The following CASZ1 variants were observed in gnomAD, a reference collection of about 807,000 sequenced individuals.
CASZ1 encodes the protein zinc finger protein castor homolog 1.
In CASZ1, 28 loss-of-function variants were observed where a neutral mutation model predicts 135.2. That is an observed-to-expected ratio of 0.21 (90% CI 0.15 to 0.28). CASZ1 has a LOEUF of 0.28. Ranked by LOEUF, CASZ1 falls within the 10% of genes least tolerant of loss-of-function variation. CASZ1 has a pLI of 1.00. For missense variants in CASZ1, 2,161 were observed against 2,453.3 expected, an observed-to-expected ratio of 0.88 and a Z score of 2.52; for synonymous variants, 1,068 against 1,073.4, an observed-to-expected ratio of 0.99 and a Z score of 0.10.
rs1025880369 is a variant in CASZ1 at position 10,712,749 on chromosome 1, C to A, written c.-76-7205G>T. 2.0e-5 allele frequency among the ~76,000 whole-genome samples: 3 copies of A among 152,364 alleles called. No homozygotes were observed. The South Asian group carries it at 6.2e-4, about 32-fold the overall frequency. On this transcript the variant is annotated intron_variant, in intron 2 of 20. Coordinates refer to ENST00000377022, the MANE Select transcript of CASZ1 (RefSeq NM_001079843.3). ...CCGCTCAAGTGCCTGTGATTCCGCA[C>A]CCCCGCGGGCTGCCGTTCCCGGCAC...
intron 2 of CASZ1, among the ~76,000 whole-genome samples, chr1:10,710,721 G>T (rs1057122283): frequency 6.6e-6 from 1 of 152,258 alleles, no homozygotes; most frequent in Non-Finnish European, 1.5e-5. Flanking sequence ...CCCAGCCCCT[G>T]TGCCAGGTCA....
In CASZ1 at chr1:10,694,248, G is replaced by T; in HGVS notation, c.-23-336C>A. 11 of 874,354 alleles carry T rather than the reference G, an allele frequency of 1.3e-5. No individual in the cohort carries two copies. The highest frequency in any genetic ancestry group is 1.5e-5 in the Non-Finnish European group (11 of 725,162). 54.2% of individuals were successfully genotyped at this position (874,354 alleles called of 1,614,324 possible). On this transcript the variant is annotated intron_variant, in intron 3 of 20. Coordinates refer to ENST00000377022, the MANE Select transcript of CASZ1 (RefSeq NM_001079843.3). The surrounding 1 kb of genome is among the most constrained non-coding windows in gnomAD (Gnocchi z 6.6). ...GACCGCGCCCCGCGCCCGGGTCGCC[G>T]CCCGAGACCGCGGCCCCCGGGCCTC...
At chr1:10,708,199 T>A (rs935306574) in intron 2 of CASZ1, among the ~76,000 whole-genome samples, 3 of 152,148 alleles carry the variant, frequency 2.0e-5, no homozygotes, top group Admixed American at 6.5e-5. Context: ...TGATGGTTGG[T>A]TGGTAGCTGA....
chr1:10,651,409 T>G lies in CASZ1; in HGVS notation c.2681-333A>C, dbSNP rs867953702. On this transcript the variant is annotated intron_variant, in intron 11 of 20. Transcript: ENST00000377022. ...CGATTTGTGGGGCTGCCGCTTAGGC[T>G]TTTATTAAAGACTCTGTTAATGCTG... The G allele has an allele frequency of 9.7e-4, 205 of 211,940 alleles. 1 individual carries two copies. Among genetic ancestry groups the G allele is most frequent in the African/African-American group, 4.1e-3 (180 of 43,396 alleles). 13.1% of individuals were successfully genotyped at this position (211,940 alleles called of 1,614,324 possible). A position where few individuals can be genotyped will look rare whatever the true frequency, so the allele number is the denominator to read the frequency against.
intron 13 of CASZ1, chr1:10,650,178 A>G (rs1368688348): frequency 6.6e-6 from 1 of 152,274 alleles, no homozygotes; most frequent in Non-Finnish European, 1.5e-5. Flanking sequence ...AGTCAAATGT[A>G]TCATGTGAAG....
At chr1:10,715,245 C>G (rs1639355797) in intron 2 of CASZ1, among the ~76,000 whole-genome samples, 1 of 152,156 alleles carries the variant, frequency 6.6e-6, no homozygotes, top group African/African-American at 2.4e-5. Context: ...GCCTCTCGGC[C>G]ATGTTTGGGG....
intron 20 of CASZ1, 164 bp from the exon 21 acceptor site, chr1:10,640,223 C>T: frequency 9.9e-7 from 1 of 1,005,868 alleles, no homozygotes; most frequent in South Asian, 1.7e-5. Flanking sequence ...CCCGCCCCCT[C>T]CCTACCCTGG....
At position 10,726,628 on chromosome 1, in the gene CASZ1, C is replaced by A. The variant is rs898662058; in HGVS notation, c.-76-21084G>T. On this transcript the variant is annotated intron_variant, in intron 2 of 20. Coordinates refer to ENST00000377022, the MANE Select transcript of CASZ1 (RefSeq NM_001079843.3). This position sits in a 1 kb window ranked among gnomAD's most constrained non-coding sequence, Gnocchi z 5.7. ...GTCTTTACTAGGCCCTGGCGCTGTGCGGCCCCTGCCTGGGTGCGGTGCCAG... is the reference window on the plus strand; with the variant it reads ...GTCTTTACTAGGCCCTGGCGCTGTGAGGCCCCTGCCTGGGTGCGGTGCCAG... 7.2e-5 allele frequency among the ~76,000 whole-genome samples: 11 copies of A among 152,250 alleles called. No individual in the cohort carries two copies. Among genetic ancestry groups the A allele is most frequent in the Non-Finnish European group, 1.0e-4 (7 of 68,044 alleles).
chr1:10,733,318 T>C (rs1639735548), intron 2 of CASZ1, among the ~76,000 whole-genome samples: 1 of 152,122 alleles, frequency 6.6e-6, no homozygotes, highest in East Asian at 1.9e-4. Flanking sequence ...ACACACAGGC[T>C]CTGTGGCCTC....
At chr1:10,716,945 G>A (rs1042276052) in intron 2 of CASZ1, among the ~76,000 whole-genome samples, 4 of 152,144 alleles carry the variant, frequency 2.6e-5, no homozygotes, top group Non-Finnish European at 5.9e-5. Context: ...TCTCTTTTAC[G>A]TTCGGTCAAA....
chr1:10,788,696 G>A lies in CASZ1; in HGVS notation c.-234+7868C>T, dbSNP rs754261732. 1.3e-5 allele frequency among the ~76,000 whole-genome samples: 2 copies of A among 152,146 alleles called. No homozygotes were observed. The highest frequency in any genetic ancestry group is 6.5e-5 in the Admixed American group (1 of 15,272). ...GTCTTGGCAGCAAGTGTCCCTGACC[G>A]CTGCCTCCTCACCCGGGAGCTGCCC... On this transcript the variant is annotated intron_variant, in intron 1 of 20. Coordinates refer to ENST00000377022, the MANE Select transcript of CASZ1 (RefSeq NM_001079843.3). This position sits in a 1 kb window ranked among gnomAD's most constrained non-coding sequence, Gnocchi z 4.1.
chr1:10,761,502 T>G (rs1200964281), intron 1 of CASZ1, among the ~76,000 whole-genome samples: 1 of 152,082 alleles, frequency 6.6e-6, no homozygotes, highest in African/African-American at 2.4e-5. Context: ...GCCCTTGCCC[T>G]GAAAGGGGGC....
In CASZ1 at chr1:10,639,269, C is replaced by A; in HGVS notation, c.4953G>T (p.Pro1651=). 9.8e-7 allele frequency: 1 copy of A among 1,016,228 alleles called. No homozygotes were observed. Among genetic ancestry groups the A allele is most frequent in the Non-Finnish European group, 1.2e-6 (1 of 843,302 alleles). The allele number at this position is 1,016,228 out of a possible 1,614,324, so 63.0% of individuals were successfully genotyped here. The change falls in exon 21 of 21, where the codon CCG becomes CCT. Residue 1651 remains proline (P), a synonymous_variant. Transcript: ENST00000377022. The surrounding 1 kb of genome is among the most constrained non-coding windows in gnomAD (Gnocchi z 4.0). ...LALGDAGDPG[P]PDAAAPGPRE... Reference sequence around the variant, plus strand: ...GCGGCCCGGGGGCGGCGGCGTCGGGCGGGCCGGGGTCGCCCGCGTCGCCCA... The same window carrying A: ...GCGGCCCGGGGGCGGCGGCGTCGGGAGGGCCGGGGTCGCCCGCGTCGCCCA...
Position 10,693,893 on chromosome 1 carries a change from C to T in CASZ1, c.-4G>A. 1 of 1,613,370 alleles carries T rather than the reference C, an allele frequency of 6.2e-7. No individual in the cohort carries two copies. The highest frequency in any genetic ancestry group is 8.5e-7 in the Non-Finnish European group (1 of 1,179,602). On this transcript the variant is annotated 5_prime_UTR_variant, in exon 4 of 21. Transcript: ENST00000377022. ...CGGTACCTGTTCCAAGATCCATTCT[C>T]TTCTCCTTGGTCCCAAACTCTTCGC...
chr1:10,748,283 G>A (rs953915815), intron 2 of CASZ1, among the ~76,000 whole-genome samples: 1 of 152,072 alleles, frequency 6.6e-6, no homozygotes, highest in Admixed American at 6.6e-5. Flanking sequence ...ACCTATCCTG[G>A]GCAGGGGCGG....
At chr1:10,653,210 A>G in intron 11 of CASZ1, 167 bp downstream of exon 11, 1 of 761,758 alleles carries the variant, frequency 1.3e-6, no homozygotes. Context: ...CCCACATAGA[A>G]ACCAACAGGA....
chr1:10,736,830 C>T (rs879713686), intron 2 of CASZ1, among the ~76,000 whole-genome samples: 26 of 152,172 alleles, frequency 1.7e-4, no homozygotes, highest in Admixed American at 4.6e-4. Context: ...AGGACAGGGA[C>T]GTGGGAGGAA....
At position 10,639,019 on chromosome 1, in the gene CASZ1, C is replaced by T; in HGVS notation, c.5203G>A (p.Ala1735Thr). 9.9e-7 allele frequency: 1 copy of T among 1,006,006 alleles called. No individual in the cohort carries two copies. Among genetic ancestry groups the T allele is most frequent in the Non-Finnish European group, 1.2e-6 (1 of 839,948 alleles). 62.3% of individuals were successfully genotyped at this position (1,006,006 alleles called of 1,614,324 possible). A position where few individuals can be genotyped will look rare whatever the true frequency, so the allele number is the denominator to read the frequency against. The part of the protein sequence containing the change: ...EAAAEAAGAG[A>T]RTPALAALAA... ...AGCGCCGCCAAGGCCGGGGTCCGCG[C>T]GCCCGCGCCCGCCGCCTCCGCCGCC... Residue 1735 changes from alanine to threonine, a missense_variant, in exon 21 of 21, where the codon GCG becomes ACG. Ala to Thr is a moderately conservative substitution (Grantham distance 58). Transcript: ENST00000377022. This position sits in a 1 kb window ranked among gnomAD's most constrained non-coding sequence, Gnocchi z 4.0.
Position 10,658,962 on chromosome 1 carries a change from C to T in CASZ1, c.1341-386G>A, listed in dbSNP as rs1470925303. On this transcript the variant is annotated intron_variant, in intron 6 of 20. Coordinates refer to ENST00000377022, the MANE Select transcript of CASZ1 (RefSeq NM_001079843.3). ...TGGGCAGGGGAAGTGTATCCTTCCCCAGGCAGCAGGGGCCGCCCTGATCTG... is the reference window on the plus strand; with the variant it reads ...TGGGCAGGGGAAGTGTATCCTTCCCTAGGCAGCAGGGGCCGCCCTGATCTG... 3.3e-5 allele frequency among the ~76,000 whole-genome samples: 5 copies of T among 152,152 alleles called. No individual in the cohort carries two copies. The South Asian group carries it at 8.3e-4, about 25-fold the overall frequency.
Sources: gnomAD v4.1 joint callset for allele counts (sites outside exome capture counted in the v4.1 genomes callset) on GRCh38, gnomAD v4.1.1 for gene constraint, Gnocchi (gnomAD v3.1) non-coding constraint, MANE v1.5 for transcripts, NCBI Gene and HGNC (gene_info 2026-07-23, HGNC 2026-07-21) for gene names.